Variants in SPMIP2 observed in about 807,000 individuals in gnomAD.
SPMIP2 encodes the protein protein SPMIP2.
the SPMIP2 span, among the ~76,000 whole-genome samples, chr4:159,040,144 A>ATGTGTGTGTG: frequency 8.0e-5 from 12 of 150,842 alleles, no homozygotes; most frequent in African/African-American, 2.9e-4. Flanking sequence ...GTACTTAAAT[A>ATGTGTGTGTG]TGTGTGTGTG....
chr4:159,070,920 C>A, the SPMIP2 span, among the ~76,000 whole-genome samples: 1 of 152,166 alleles, frequency 6.6e-6, no homozygotes, highest in Non-Finnish European at 1.5e-5. Context: ...TGATAGCATG[C>A]TGGAACCATT....
chr4:158,948,020 C>G, the SPMIP2 span, among the ~76,000 whole-genome samples: 1 of 152,132 alleles, frequency 6.6e-6, no homozygotes, highest in African/African-American at 2.4e-5. Flanking sequence ...TTCTCTTCCC[C>G]CAAAGCAACC....
chr4:158,972,949 C>A, the SPMIP2 span: 1 of 649,240 alleles, frequency 1.5e-6, no homozygotes, highest in Non-Finnish European at 2.6e-6. Context: ...ATGTGTCTTT[C>A]TGCAAAACTC....
chr4:158,987,919 GAC>G, the SPMIP2 span, among the ~76,000 whole-genome samples: 1 of 151,906 alleles, frequency 6.6e-6, no homozygotes, highest in African/African-American at 2.4e-5. Context: ...AGGAGATAGA[GAC>G]ACAAAAAACC....
the SPMIP2 span, among the ~76,000 whole-genome samples, chr4:159,056,395 G>C: frequency 6.6e-6 from 1 of 152,060 alleles, no homozygotes. Context: ...GCTGAGTGTG[G>C]AATGTCAGTG....
At chr4:159,041,196 G>T in the SPMIP2 span, among the ~76,000 whole-genome samples, 1 of 152,220 alleles carries the variant, frequency 6.6e-6, no homozygotes, top group African/African-American at 2.4e-5. Flanking sequence ...ATGACGCTGA[G>T]AGTATAGTGG....
chr4:159,081,005 G>A, the SPMIP2 span, among the ~76,000 whole-genome samples: 3 of 150,100 alleles, frequency 2.0e-5, no homozygotes, highest in Middle Eastern at 3.6e-3. Context: ...TTACAGGCAC[G>A]AATGACTGTG....
At chr4:159,052,367 C>T in the SPMIP2 span, among the ~76,000 whole-genome samples, 1 of 147,478 alleles carries the variant, frequency 6.8e-6, no homozygotes, top group East Asian at 2.0e-4. Flanking sequence ...TAAGTAGACC[C>T]TGAAAACAAC....
the SPMIP2 span, among the ~76,000 whole-genome samples, chr4:159,017,189 CAG>C: frequency 6.6e-6 from 1 of 152,134 alleles, no homozygotes; most frequent in Non-Finnish European, 1.5e-5. Flanking sequence ...TGAGCAAAAA[CAG>C]TGTACAATGA....
At chr4:159,065,786 A>G in the SPMIP2 span, among the ~76,000 whole-genome samples, 1 of 152,352 alleles carries the variant, frequency 6.6e-6, no homozygotes. Context: ...GTGGGTAACA[A>G]TCTTAAGACA....
chr4:158,958,815 A>T, the SPMIP2 span, among the ~76,000 whole-genome samples: 2 of 152,212 alleles, frequency 1.3e-5, no homozygotes, highest in Admixed American at 6.5e-5. Context: ...TATTCAGGTT[A>T]TTGGTGTCTG....
At chr4:158,896,284 C>T in the SPMIP2 span, among the ~76,000 whole-genome samples, 1 of 152,114 alleles carries the variant, frequency 6.6e-6, no homozygotes, top group Non-Finnish European at 1.5e-5. Context: ...AGGAAAGGCC[C>T]TTCTAGGCTT....
chr4:158,904,406 T>C, the SPMIP2 span: 1 of 1,381,636 alleles, frequency 7.2e-7, no homozygotes, highest in Non-Finnish European at 1.0e-6. Context: ...AAAGAAATAA[T>C]ACTTTCTCAT....
the SPMIP2 span, among the ~76,000 whole-genome samples, chr4:159,015,073 G>A: frequency 3.0e-4 from 46 of 152,260 alleles, no homozygotes; most frequent in Non-Finnish European, 5.1e-4. Flanking sequence ...TTGGGGTTTC[G>A]TAAGTCCTGC....
At chr4:158,930,916 ACTCAGAGTTTGTTAAAC>A in the SPMIP2 span, among the ~76,000 whole-genome samples, 2 of 117,342 alleles carry the variant, frequency 1.7e-5, no homozygotes, top group Non-Finnish European at 3.5e-5. Context: ...AGCTTATCTT[ACTCAGAGTTTGTTAAAC>A]CTCTTGAATA....
At chr4:158,970,787 GC>G in the SPMIP2 span, among the ~76,000 whole-genome samples, 1 of 152,070 alleles carries the variant, frequency 6.6e-6, no homozygotes, top group African/African-American at 2.4e-5. Flanking sequence ...ATCTGAGACA[GC>G]TAGACCCTTG....
the SPMIP2 span, among the ~76,000 whole-genome samples, chr4:158,972,305 C>T: frequency 3.3e-5 from 5 of 152,088 alleles, no homozygotes; most frequent in African/African-American, 7.2e-5. Context: ...GAGGTTACAG[C>T]GAGTCAAGAT....
chr4:159,072,145 C>T, the SPMIP2 span, among the ~76,000 whole-genome samples: 1 of 152,080 alleles, frequency 6.6e-6, no homozygotes, highest in African/African-American at 2.4e-5. Flanking sequence ...AAAGCCCCCG[C>T]TATACAAAAA....
chr4:158,912,477 A>C, the SPMIP2 span, among the ~76,000 whole-genome samples: 1 of 152,208 alleles, frequency 6.6e-6, no homozygotes, highest in African/African-American at 2.4e-5. Flanking sequence ...ATTTCTACTT[A>C]AGAGACTTTC....
Sources: gnomAD v4.1 joint callset for allele counts (sites outside exome capture counted in the v4.1 genomes callset) on GRCh38, gnomAD v4.1.1 for gene constraint, MANE v1.5 for transcripts, NCBI Gene and HGNC (gene_info 2026-07-23, HGNC 2026-07-21) for gene names.